The following BATF3 variants were observed in gnomAD, a reference collection of about 807,000 sequenced individuals.
The protein encoded by BATF3 is basic leucine zipper ATF-like transcription factor 3, also known as basic leucine zipper transcriptional factor ATF-like 3.
In BATF3, 8 loss-of-function variants were observed where a neutral mutation model predicts 16.1. That is an observed-to-expected ratio of 0.50 (90% CI 0.29 to 0.90). The LOEUF (loss-of-function observed/expected upper bound fraction) is 0.90. Among genes scored for constraint, BATF3 ranks in the 40% least tolerant of loss-of-function variants. BATF3 has a pLI of 0.08. For synonymous variants in BATF3, 74 were observed against 72.7 expected (o/e 1.02, Z -0.09); for missense variants, 139 against 167.0 (o/e 0.83, Z 0.92).
chr1:212,687,890 G>T (rs1258907876), intron 2 of BATF3, among the ~76,000 whole-genome samples: 1 of 150,736 alleles, frequency 6.6e-6, no homozygotes, highest in Non-Finnish European at 1.5e-5. Flanking sequence ...TTACAGCACT[G>T]CACTCCAGCC....
At chr1:212,697,460 G>A (rs1323713235) in intron 1 of BATF3, 1 of 150,038 alleles carries the variant, frequency 6.7e-6, no homozygotes, top group African/African-American at 2.5e-5. Context: ...ATCTGAGACT[G>A]GAAAGCTGGG....
intron 2 of BATF3, among the ~76,000 whole-genome samples, chr1:212,691,846 T>C (rs1457112375): frequency 6.6e-6 from 1 of 152,252 alleles, no homozygotes; most frequent in Non-Finnish European, 1.5e-5. Flanking sequence ...AGACCCTGAC[T>C]GTTCACTTTG....
chr1:212,699,575 G>T lies in BATF3; in HGVS notation c.90+98C>A. The T allele has an allele frequency of 9.9e-7, 1 of 1,008,226 alleles. No individual in the cohort carries two copies. Among genetic ancestry groups the T allele is most frequent in the Non-Finnish European group, 1.3e-6 (1 of 784,996 alleles). The allele number at this position is 1,008,226 out of a possible 1,614,324, so 62.5% of individuals were successfully genotyped here. A position where few individuals can be genotyped will look rare whatever the true frequency, so the allele number is the denominator to read the frequency against. ...CCGCACCCGCCACCTCTGCACCTCC[G>T]CAGTCACCACCACGGAACTCCAGCA... On this transcript the variant is annotated intron_variant, in intron 1 of 2. Coordinates refer to ENST00000243440, the MANE Select transcript of BATF3 (RefSeq NM_018664.3). The surrounding 1 kb of genome is among the most constrained non-coding windows in gnomAD (Gnocchi z 4.4).
chr1:212,693,841 AT>A lies in BATF3; in HGVS notation c.195+3119del, dbSNP rs565364799. 4.2e-4 allele frequency among the ~76,000 whole-genome samples: 64 copies of A among 152,314 alleles called. 3 individuals are homozygous for A. The highest frequency in any genetic ancestry group is 1.5e-3 in the African/African-American group (63 of 41,566). ...GTAGTAAAATTCCGTGAGTATTTAC[AT>A]TTACCTTCTGTGCTAGGCAGCATAA... On this transcript the variant is annotated intron_variant, in intron 2 of 2. Transcript: ENST00000243440.
intron 2 of BATF3, among the ~76,000 whole-genome samples, chr1:212,691,345 C>T (rs1656995611): frequency 6.6e-6 from 1 of 152,186 alleles, no homozygotes; most frequent in African/African-American, 2.4e-5. Context: ...TCCAAGGTCA[C>T]ATAGACCTGG....
intron 2 of BATF3, among the ~76,000 whole-genome samples, chr1:212,692,982 T>A (rs1255052737): frequency 6.6e-6 from 1 of 152,074 alleles, no homozygotes; most frequent in African/African-American, 2.4e-5. Context: ...TCACTCCAGA[T>A]TTGAGGAGGA....
In BATF3 at chr1:212,686,619, G is replaced by T; in HGVS notation, c.*172C>A. ...CAAGGGCTCTGTGAGTTTGGCGCCT[G>T]TTGGATGTCGGGCTGAGCCCAGTCT... is the stretch of plus-strand genomic sequence containing the variant. On this transcript the variant is annotated 3_prime_UTR_variant, in exon 3 of 3. Coordinates refer to ENST00000243440, the MANE Select transcript of BATF3 (RefSeq NM_018664.3). The T allele has an allele frequency of 8.7e-7, 1 of 1,150,698 alleles. No homozygotes were observed. Among genetic ancestry groups the T allele is most frequent in the Non-Finnish European group, 1.2e-6 (1 of 843,796 alleles). 71.3% of individuals were successfully genotyped at this position (1,150,698 alleles called of 1,614,324 possible). A position where few individuals can be genotyped will look rare whatever the true frequency, so the allele number is the denominator to read the frequency against.
At position 212,695,209 on chromosome 1, in the gene BATF3, A is replaced by C. The variant is rs143363788; in HGVS notation, c.195+1752T>G. Among the ~76,000 whole-genome samples the C allele has an allele frequency of 3.9e-3, 591 of 152,198 alleles. 1 individual carries two copies. The highest frequency in any genetic ancestry group is 0.013 in the African/African-American group (559 of 41,530). On this transcript the variant is annotated intron_variant, in intron 2 of 2. Coordinates refer to ENST00000243440, the MANE Select transcript of BATF3 (RefSeq NM_018664.3). ...AAAACCCCACCTCTACAAAACTACA[A>C]AAATGGCCAGGCGCAGTGGCTCACA...
At chr1:212,697,129 C>G (rs1244883911) in intron 1 of BATF3, 64 bp from the exon 2 acceptor site, 1 of 1,304,952 alleles carries the variant, frequency 7.7e-7, no homozygotes, top group Non-Finnish European at 1.1e-6. Context: ...TCTGCCCTGT[C>G]TCATCACTCA....
At chr1:212,695,868 T>C (rs572766994) in intron 2 of BATF3, among the ~76,000 whole-genome samples, 1 of 152,320 alleles carries the variant, frequency 6.6e-6, no homozygotes, top group East Asian at 1.9e-4. Context: ...GGATAAATCC[T>C]AGGCTTCTGA....
At chr1:212,695,593 T>C (rs150587410) in intron 2 of BATF3, among the ~76,000 whole-genome samples, 1,556 of 148,372 alleles carry the variant, frequency 0.01, 21 homozygotes, top group African/African-American at 0.037. Flanking sequence ...CAGCGAGCCA[T>C]GATCATGCCA....
intron 2 of BATF3, among the ~76,000 whole-genome samples, chr1:212,696,060 G>C (rs1467054332): frequency 6.6e-6 from 1 of 151,940 alleles, no homozygotes; most frequent in African/African-American, 2.4e-5. Context: ...TAGGGTCCAG[G>C]ACAGAGGGCC....
In BATF3 at chr1:212,699,540, T is replaced by C; in HGVS notation, c.90+133A>G. 1.6e-6 allele frequency: 1 copy of C among 633,222 alleles called. No homozygotes were observed. Among genetic ancestry groups the C allele is most frequent in the Non-Finnish European group, 2.2e-6 (1 of 446,126 alleles). 39.2% of individuals were successfully genotyped at this position (633,222 alleles called of 1,614,324 possible). On this transcript the variant is annotated intron_variant, in intron 1 of 2. Coordinates refer to ENST00000243440, the MANE Select transcript of BATF3 (RefSeq NM_018664.3). This position sits in a 1 kb window ranked among gnomAD's most constrained non-coding sequence, Gnocchi z 4.4. ...AACATCCCTACGCCCCTACCTCTGC[T>C]TGTCTCCGGCCGCACCCGCCACCTC...
In BATF3 at chr1:212,686,605, T is replaced by G; in HGVS notation, c.*186A>C. ...ATGCTGGATCTGCACAAGGGCTCTG[T>G]GAGTTTGGCGCCTGTTGGATGTCGG... is the stretch of plus-strand genomic sequence containing the variant. On this transcript the variant is annotated 3_prime_UTR_variant, in exon 3 of 3. Transcript: ENST00000243440. The G allele has an allele frequency of 3.8e-5, 37 of 970,304 alleles. No homozygotes were observed. Among genetic ancestry groups the G allele is most frequent in the Non-Finnish European group, 4.7e-5 (32 of 680,178 alleles). The allele number at this position is 970,304 out of a possible 1,614,324, so 60.1% of individuals were successfully genotyped here. A position where few individuals can be genotyped will look rare whatever the true frequency, so the allele number is the denominator to read the frequency against.
In BATF3 at chr1:212,686,973, C is replaced by G. The variant is rs1439434256; in HGVS notation, c.202G>C (p.Glu68Gln). The G allele has an allele frequency of 6.3e-7, 1 of 1,589,998 alleles. No individual in the cohort carries two copies. The highest frequency in any genetic ancestry group is 8.6e-7 in the Non-Finnish European group (1 of 1,158,106). ...QKADKLHEEY[E>Q]SLEQENTMLR... ...ATGGTGTTTTCTTGCTCCAGGCTCT[C>G]ATATTCCTGGGGGAGACAGAATGGG... Residue 68 changes from glutamate (E) to glutamine (Q), a missense_variant, in exon 3 of 3, where the codon GAG becomes CAG. Glu to Gln is a conservative substitution (Grantham distance 29). Transcript: ENST00000243440.
In BATF3 at chr1:212,697,050, C is replaced by T. The variant is rs908938371; in HGVS notation, c.106G>A (p.Asp36Asn). The stretch of plus-strand genomic sequence containing the variant: ...TTTTCTCTCCTTCGGACCTTCCTGT[C>T]ATCATCCTCAGGGCTCTGGGGAAAA... ...QPQQQSPEDDDRKVRRREKNR... is the reference protein window; with the variant it reads ...QPQQQSPEDDNRKVRRREKNR... Residue 36 changes from aspartate (D) to asparagine (N), a missense_variant, in exon 2 of 3, where the codon GAC becomes AAC. By Grantham distance (23) the Asp-to-Asn change is conservative (BLOSUM62 1). Transcript: ENST00000243440. 12 of 1,614,016 alleles carry T rather than the reference C, an allele frequency of 7.4e-6. No homozygotes were observed. Among genetic ancestry groups the T allele is most frequent in the Non-Finnish European group, 1.0e-5 (12 of 1,180,008 alleles).
chr1:212,694,361 C>A (rs764635740), intron 2 of BATF3, among the ~76,000 whole-genome samples: 1 of 152,100 alleles, frequency 6.6e-6, no homozygotes, highest in Non-Finnish European at 1.5e-5. Flanking sequence ...AATTAACATC[C>A]TTTCCTTGGG....
intron 2 of BATF3, among the ~76,000 whole-genome samples, chr1:212,696,426 GT>G (rs1244921450): frequency 6.4e-5 from 6 of 94,324 alleles, no homozygotes; most frequent in Non-Finnish European, 1.4e-4. Context: ...TCTGTAGGGT[GT>G]GTGTGTGTGT....
chr1:212,687,101 G>T, intron 2 of BATF3, 122 bp from the exon 3 acceptor site: 1 of 675,432 alleles, frequency 1.5e-6, no homozygotes, highest in African/African-American at 1.8e-5. Context: ...CCCCTCCACT[G>T]CTCAGATATT....
Sources: gnomAD v4.1 joint callset for allele counts (sites outside exome capture counted in the v4.1 genomes callset) on GRCh38, gnomAD v4.1.1 for gene constraint, Gnocchi (gnomAD v3.1) non-coding constraint, MANE v1.5 for transcripts, NCBI Gene and HGNC (gene_info 2026-07-23, HGNC 2026-07-21) for gene names.